CREBBP: variants seen among roughly 807,000 people sequenced by gnomAD.
The protein encoded by CREBBP is CREB binding lysine acetyltransferase.
In CREBBP, 19 loss-of-function variants were observed where a neutral mutation model predicts 265.0. The ratio of observed to expected loss-of-function variants is 0.07; its 90% CI spans 0.05 to 0.11. The LOEUF (loss-of-function observed/expected upper bound fraction) is 0.11. Among genes scored for constraint, CREBBP ranks in the 10% least tolerant of loss-of-function variants. The pLI, the probability that CREBBP is intolerant of heterozygous loss-of-function variation, is 1.00. For missense variants in CREBBP, 2,525 were observed against 3,219.0 expected (o/e 0.78, Z 5.22); for synonymous variants, 1,457 against 1,223.7 (o/e 1.19, Z -3.98).
chr16:3,830,003 A>G (rs2054311184), intron 2 of CREBBP, among the ~76,000 whole-genome samples: 1 of 152,204 alleles, frequency 6.6e-6, no homozygotes, highest in South Asian at 2.1e-4. Context: ...AACATTAAAT[A>G]TAAATAAACT....
At chr16:3,757,526 G>T in intron 18 of CREBBP, 150 bp from the exon 19 acceptor site, 1 of 862,502 alleles carries the variant, frequency 1.2e-6, no homozygotes, top group Non-Finnish European at 1.9e-6. Context: ...AAGACATTTT[G>T]GGATAGCATG....
At chr16:3,749,222 T>C (rs2052418915) in intron 21 of CREBBP, among the ~76,000 whole-genome samples, 1 of 152,238 alleles carries the variant, frequency 6.6e-6, no homozygotes, top group African/African-American at 2.4e-5. Context: ...CTTTACATTA[T>C]TTGAGAAAGC....
chr16:3,872,793 A>G (rs1240697797), intron 1 of CREBBP, among the ~76,000 whole-genome samples: 4 of 152,228 alleles, frequency 2.6e-5, no homozygotes, highest in Non-Finnish European at 5.9e-5. Flanking sequence ...GCTTTTCCCA[A>G]CAACCAGGAA....
At position 3,778,147 on chromosome 16, in the gene CREBBP, G is replaced by A; in HGVS notation, c.1977C>T (p.Tyr659=). The part of the protein sequence containing the change: ...EYYHLLAEKI[Y]KIQKELEEKR... ...TTTCTTCTAGTTCTTTTTGTATCTTGTAGATTTTCTCTGCTAATAAGTGAT... is the reference window on the plus strand; with the variant it reads ...TTTCTTCTAGTTCTTTTTGTATCTTATAGATTTTCTCTGCTAATAAGTGAT... The change falls in exon 10 of 31, where the codon TAC becomes TAT. Residue 659 remains tyrosine, a synonymous_variant. Coordinates refer to ENST00000262367, the MANE Select transcript of CREBBP (RefSeq NM_004380.3). 1 of 1,612,298 alleles carries A rather than the reference G, an allele frequency of 6.2e-7. No homozygotes were observed. Among genetic ancestry groups the A allele is most frequent in the Non-Finnish European group, 8.5e-7 (1 of 1,178,320 alleles).
chr16:3,805,649 G>C (rs130036), intron 3 of CREBBP, among the ~76,000 whole-genome samples: 3,545 of 152,232 alleles, frequency 0.023, 124 homozygotes, highest in African/African-American at 0.078. Flanking sequence ...AGAAAATTAT[G>C]AAAATATGAC....
At position 3,729,707 on chromosome 16, in the gene CREBBP, C is replaced by T. The variant is rs1231868445; in HGVS notation, c.5340G>A (p.Val1780=). The change falls in exon 31 of 31, where the codon GTG becomes GTA. Residue 1780 remains valine (V), a synonymous_variant. Coordinates refer to ENST00000262367, the MANE Select transcript of CREBBP (RefSeq NM_004380.3). ...LSIQRCIQSL[V]HACQCRNANC... is the part of the protein sequence containing the mutation. ...TGGCGTTGCGGCACTGGCACGCGTG[C>T]ACCAGCGACTGGATGCAGCGCTGGA... is the stretch of plus-strand genomic sequence containing the variant. The T allele has an allele frequency of 6.2e-7, 1 of 1,611,858 alleles. No homozygotes were observed. The highest frequency in any genetic ancestry group is 1.7e-5 in the Admixed American group (1 of 59,992).
intron 3 of CREBBP, among the ~76,000 whole-genome samples, chr16:3,808,822 A>G (rs1306678242): frequency 1.3e-5 from 2 of 152,248 alleles, no homozygotes; most frequent in Non-Finnish European, 2.9e-5. Flanking sequence ...CTGGTTACTG[A>G]GCAGGCATAA....
chr16:3,871,985 T>G lies in CREBBP; in HGVS notation c.85+7847A>C, dbSNP rs1475785561. On this transcript the variant is annotated intron_variant, in intron 1 of 30. Transcript: ENST00000262367. ...AATCATGTAGAATTATTTTCCCCATTAGATTTTACTATTCTTAGCAATGGT... is the reference window on the plus strand; with the variant it reads ...AATCATGTAGAATTATTTTCCCCATGAGATTTTACTATTCTTAGCAATGGT... Among the ~76,000 whole-genome samples the G allele has an allele frequency of 2.6e-5, 4 of 152,344 alleles. No homozygotes were observed. The East Asian group carries it at 7.7e-4, about 29-fold the overall frequency.
rs2051779082 is a variant in CREBBP at position 3,727,599 on chromosome 16, C to T, written c.*119G>A. The T allele has an allele frequency of 6.6e-6, 10 of 1,509,938 alleles. No individual in the cohort carries two copies. Among genetic ancestry groups the T allele is most frequent in the Non-Finnish European group, 9.0e-6 (10 of 1,109,510 alleles). 93.5% of individuals were successfully genotyped at this position (1,509,938 alleles called of 1,614,324 possible). On this transcript the variant is annotated 3_prime_UTR_variant, in exon 31 of 31. Coordinates refer to ENST00000262367, the MANE Select transcript of CREBBP (RefSeq NM_004380.3). Reference sequence around the variant, plus strand: ...TGTATTGTTTCTTTAAACATCAATCCACCCTTCCATGGCTCGGAAGTCGCA... The same window carrying T: ...TGTATTGTTTCTTTAAACATCAATCTACCCTTCCATGGCTCGGAAGTCGCA...
chr16:3,859,954 G>T (rs887568435), intron 1 of CREBBP, among the ~76,000 whole-genome samples: 1 of 152,222 alleles, frequency 6.6e-6, no homozygotes, highest in Non-Finnish European at 1.5e-5. Context: ...GGAGGGGCTT[G>T]TGGGAACCCC....
At chr16:3,871,193 TCTCACTCACACACACACACA>T (rs2055289904) in intron 1 of CREBBP, among the ~76,000 whole-genome samples, 1 of 142,500 alleles carries the variant, frequency 7.0e-6, no homozygotes, top group South Asian at 2.2e-4. Flanking sequence ...TCTCTCTCTC[TCTCACTCACACACACACACA>T]CACACACACA....
At chr16:3,825,358 C>T (rs772207262) in intron 2 of CREBBP, among the ~76,000 whole-genome samples, 13 of 152,264 alleles carry the variant, frequency 8.5e-5, no homozygotes, top group East Asian at 3.9e-4. Context: ...TCAGACCATG[C>T]GCCATTTTTT....
At position 3,736,009 on chromosome 16, in the gene CREBBP, C is replaced by T; in HGVS notation, c.4728+27G>A. 6 of 1,614,228 alleles carry T rather than the reference C, an allele frequency of 3.7e-6. No individual in the cohort carries two copies. In the East Asian group the frequency reaches 1.3e-4, roughly 36 times the overall value. On this transcript the variant is annotated intron_variant, in intron 28 of 30. Transcript: ENST00000262367. ...CTGCAGCTCCAGCGGGACACGTGGG[C>T]AATGGAGCTCAGAGAAGGGTCTGTA...
At position 3,782,805 on chromosome 16, in the gene CREBBP, G is replaced by A. The variant is rs772537249; in HGVS notation, c.1452C>T (p.Ala484=). 4 of 1,614,170 alleles carry A rather than the reference G, an allele frequency of 2.5e-6. No homozygotes were observed. The East Asian group carries it at 8.9e-5, about 36-fold the overall frequency. ...NPIDPSSMQR[A]YAALGLPYMN... ...TGTAGGGGAGTCCGAGAGCAGCATA[G>A]GCTCGCTGCATGGAGCTGGGGTCTA... Residue 484 remains alanine (A), a synonymous_variant, in exon 6 of 31, where the codon GCC becomes GCT. Transcript: ENST00000262367.
rs372188288 is a variant in CREBBP, at chr16:3,845,539, A to G, written c.798+4758T>C. Among the ~76,000 whole-genome samples the G allele has an allele frequency of 6.6e-5, 10 of 152,350 alleles. No homozygotes were observed. In the South Asian group the frequency reaches 1.2e-3, roughly 19 times the overall value. ...TAAGATGATTATAACAAGAAAAAAT[A>G]TATACTGCTGGATCTCTGTGTCTCA... On this transcript the variant is annotated intron_variant, in intron 2 of 30. Coordinates refer to ENST00000262367, the MANE Select transcript of CREBBP (RefSeq NM_004380.3).
chr16:3,839,213 C>T lies in CREBBP; in HGVS notation c.798+11084G>A, dbSNP rs111831167. ...AGTGAACCCTGGATGTGAACTGAGT[C>T]AGCTTATTCCAGAGCCCACGCCAGG... On this transcript the variant is annotated intron_variant, in intron 2 of 30. Transcript: ENST00000262367. Among the ~76,000 whole-genome samples, 1,494 of 152,292 alleles carry T rather than the reference C, an allele frequency of 9.8e-3. 29 individuals carry two copies. Among genetic ancestry groups the T allele is most frequent in the African/African-American group, 0.033 (1,382 of 41,550 alleles).
At chr16:3,748,434 A>G (rs1021231027) in intron 21 of CREBBP, among the ~76,000 whole-genome samples, 3 of 152,280 alleles carry the variant, frequency 2.0e-5, no homozygotes, top group Admixed American at 6.5e-5. Flanking sequence ...GCATCTCGCC[A>G]AGACTACAGC....
chr16:3,777,876 G>T, intron 10 of CREBBP, 135 bp downstream of exon 10: 1 of 1,184,096 alleles, frequency 8.4e-7, no homozygotes, highest in Non-Finnish European at 1.3e-6. Context: ...GGTGGTCAGG[G>T]CCACTGCCAC....
intron 19 of CREBBP, among the ~76,000 whole-genome samples, chr16:3,753,054 G>A (rs1035672451): frequency 1.3e-5 from 2 of 152,202 alleles, no homozygotes; most frequent in Admixed American, 6.5e-5. Flanking sequence ...ACGGCAGCAC[G>A]AATGCGGTTT....
Sources: allele counts gnomAD v4.1 joint callset (sites outside exome capture counted in the v4.1 genomes callset), GRCh38; gene constraint gnomAD v4.1.1; transcripts MANE v1.5; gene names NCBI Gene and HGNC (gene_info 2026-07-23, HGNC 2026-07-21).